Variants in GIN1 observed in about 807,000 individuals in gnomAD.
GIN1 encodes the protein gypsy retrotransposon integrase-like protein 1.
Under a neutral mutation model 51.4 loss-of-function variants are expected in GIN1, and 41 were observed. The ratio of observed to expected loss-of-function variants is 0.80; its 90% CI spans 0.62 to 1.04. The LOEUF (loss-of-function observed/expected upper bound fraction) is 1.04. Ranked by LOEUF, GIN1 falls within the 50% of genes least tolerant of loss-of-function variation. The pLI is 0.00. For missense variants in GIN1, 610 were observed against 612.4 expected, an observed-to-expected ratio of 1.00 and a Z score of 0.04; for synonymous variants, 222 against 206.5, an observed-to-expected ratio of 1.07 and a Z score of -0.64.
At chr5:103,106,503 T>C (rs1583127218) in intron 3 of GIN1, 2 of 370,674 alleles carry the variant, frequency 5.4e-6, no homozygotes, top group East Asian at 8.7e-5. Flanking sequence ...TATTTAAATA[T>C]GGTATTTTCA....
At chr5:103,119,776 A>T (rs1788331231) in intron 1 of GIN1, among the ~76,000 whole-genome samples, 1 of 152,202 alleles carries the variant, frequency 6.6e-6, no homozygotes, top group Admixed American at 6.5e-5. Flanking sequence ...GCAAGGTCCA[A>T]CCACACTCAG....
At chr5:103,118,363 T>C (rs1238286088) in intron 1 of GIN1, among the ~76,000 whole-genome samples, 1 of 152,048 alleles carries the variant, frequency 6.6e-6, no homozygotes, top group Admixed American at 6.6e-5. Flanking sequence ...ATTATTATCA[T>C]ATCTAAGTAT....
chr5:103,108,707 T>TAGG lies in GIN1; in HGVS notation c.-1_1insCCT. ...TCACCATTTTTTCCACTACGGACCATTGTGAACCTAGGTAAAAGGTATTTA... is the reference window on the plus strand; with the variant it reads ...TCACCATTTTTTCCACTACGGACCATAGGTGTGAACCTAGGTAAAAGGTATTTA... On this transcript the variant is annotated 5_prime_UTR_variant, in exon 2 of 8. Transcript: ENST00000399004. 1 of 1,590,642 alleles carries TAGG rather than the reference T, an allele frequency of 6.3e-7. No individual in the cohort carries two copies. The highest frequency in any genetic ancestry group is 8.6e-7 in the Non-Finnish European group (1 of 1,165,680).
chr5:103,095,906 A>G lies in GIN1; in HGVS notation c.1294+635T>C, dbSNP rs190424346. ...ACAACTACACTCCAGCCTGGGGGAC[A>G]GAATGAGACTCTGTCTCAAACAAAC... is the stretch of plus-strand genomic sequence containing the variant. On this transcript the variant is annotated intron_variant, in intron 7 of 7. Transcript: ENST00000399004. 2.6e-5 allele frequency among the ~76,000 whole-genome samples: 4 copies of G among 152,352 alleles called. No individual in the cohort carries two copies. The East Asian group carries it at 7.7e-4, about 29-fold the overall frequency.
At chr5:103,098,871 TTTAAC>T (rs1787485076) in intron 4 of GIN1, among the ~76,000 whole-genome samples, 1 of 152,200 alleles carries the variant, frequency 6.6e-6, no homozygotes, top group African/African-American at 2.4e-5. Flanking sequence ...TTTTATAACT[TTTAAC>T]TTATAACTAC....
intron 3 of GIN1, 185 bp downstream of exon 3, chr5:103,106,528 GCTT>G: frequency 2.4e-6 from 1 of 423,072 alleles, no homozygotes; most frequent in East Asian, 3.8e-5. Context: ...TTTAAATAAT[GCTT>G]CTTTCCTGTT....
intron 4 of GIN1, chr5:103,102,353 T>C (rs1425617929): frequency 6.6e-6 from 1 of 152,198 alleles, no homozygotes; most frequent in East Asian, 1.9e-4. Context: ...AGTTGCCCCC[T>C]TAACATCTGT....
chr5:103,103,201 G>C (rs154370), intron 4 of GIN1, among the ~76,000 whole-genome samples: 150,397 of 152,318 alleles, frequency 0.99, 74,252 homozygotes, highest in East Asian at 1. Context: ...TGTGACCAGC[G>C]CCCAGTAAAA....
intron 1 of GIN1, among the ~76,000 whole-genome samples, chr5:103,117,814 A>G (rs1238398410): frequency 1.3e-5 from 2 of 152,060 alleles, no homozygotes; most frequent in East Asian, 1.9e-4. Flanking sequence ...AGGTTCAGAG[A>G]TTGTCCAATT....
intron 4 of GIN1, among the ~76,000 whole-genome samples, chr5:103,098,909 T>C (rs1787486516): frequency 6.6e-6 from 1 of 152,224 alleles, no homozygotes; most frequent in African/African-American, 2.4e-5. Context: ...TACTATATTA[T>C]GTGTAGCACT....
rs1787072202 is a variant in GIN1 at position 103,086,248 on chromosome 5, C to T, written c.*1650G>A. ...CAAATTTTCCCCTTTTATCAGAACA[C>T]CAGTAATACTGTATTAGAGCCCACC... On this transcript the variant is annotated 3_prime_UTR_variant, in exon 8 of 8. Transcript: ENST00000399004. 1 of 151,904 alleles carries T rather than the reference C, an allele frequency of 6.6e-6. No homozygotes were observed. Among genetic ancestry groups the T allele is most frequent in the South Asian group, 2.1e-4 (1 of 4,766 alleles). The allele number at this position is 151,904 out of a possible 1,614,324, so 9.4% of individuals were successfully genotyped here.
At position 103,099,928 on chromosome 5, in the gene GIN1, A is replaced by C. The variant is rs147651136; in HGVS notation, c.640-2147T>G. ...AATATTTAGCAGTGTTTTCTGCATCAGTATTTGCTGACAAAAGAGTTCATT... is the reference window on the plus strand; with the variant it reads ...AATATTTAGCAGTGTTTTCTGCATCCGTATTTGCTGACAAAAGAGTTCATT... On this transcript the variant is annotated intron_variant, in intron 4 of 7. Transcript: ENST00000399004. Among the ~76,000 whole-genome samples the C allele has an allele frequency of 6.8e-3, 1,030 of 152,304 alleles. 7 individuals are homozygous for C. The highest frequency in any genetic ancestry group is 0.013 in the Non-Finnish European group (857 of 68,020).
intron 7 of GIN1, among the ~76,000 whole-genome samples, chr5:103,093,071 G>C (rs1404398317): frequency 6.6e-6 from 1 of 151,814 alleles, no homozygotes; most frequent in Non-Finnish European, 1.5e-5. Context: ...GACACTATAG[G>C]GACTGTGCTT....
At chr5:103,106,011 T>C (rs1480205465) in intron 3 of GIN1, among the ~76,000 whole-genome samples, 1 of 152,170 alleles carries the variant, frequency 6.6e-6, no homozygotes, top group Non-Finnish European at 1.5e-5. Context: ...TTTGGTTTAA[T>C]TCTTTATGCT....
intron 7 of GIN1, 62 bp from the exon 8 acceptor site, chr5:103,088,234 A>G (rs1273806765): frequency 3.0e-6 from 3 of 1,005,294 alleles, no homozygotes; most frequent in Non-Finnish European, 4.2e-6. Context: ...TTTTTTAATT[A>G]AACAATTTTA....
In GIN1 at chr5:103,106,869, A is replaced by T. The variant is rs907617552; in HGVS notation, c.180T>A (p.Asn60Lys). 24 of 1,588,126 alleles carry T rather than the reference A, an allele frequency of 1.5e-5. No individual in the cohort carries two copies. Among genetic ancestry groups the T allele is most frequent in the Non-Finnish European group, 2.1e-5 (24 of 1,168,798 alleles). The change falls in exon 3 of 8, where the codon AAT becomes AAA. Residue 60 changes from asparagine to lysine, a missense_variant. Transcript: ENST00000399004. The part of the protein sequence containing the change: ...LFYVGKDRKQ[N>K]RLVIVSEEEK... ...CCTCTTCTGAAACAATTACCAAACG[A>T]TTTTGTTTTCTGTCTTTTCCAACAT...
chr5:103,118,644 G>C (rs369649912), intron 1 of GIN1, among the ~76,000 whole-genome samples: 2 of 152,030 alleles, frequency 1.3e-5, no homozygotes, highest in Admixed American at 6.6e-5. Context: ...TAGAAAATGC[G>C]TAAGAAAGAA....
At chr5:103,116,372 A>C (rs1393370964) in intron 1 of GIN1, among the ~76,000 whole-genome samples, 2 of 152,158 alleles carry the variant, frequency 1.3e-5, no homozygotes, top group African/African-American at 4.8e-5. Flanking sequence ...AGGTAATTCA[A>C]TGAAGAAAGG....
intron 1 of GIN1, among the ~76,000 whole-genome samples, chr5:103,109,652 A>T (rs566355123): frequency 6.6e-6 from 1 of 152,280 alleles, no homozygotes; most frequent in African/African-American, 2.4e-5. Flanking sequence ...TAACCTAAAA[A>T]ACAGGTTAAT....
Sources: allele counts gnomAD v4.1 joint callset (sites outside exome capture counted in the v4.1 genomes callset), GRCh38; gene constraint gnomAD v4.1.1; transcripts MANE v1.5; gene names NCBI Gene and HGNC (gene_info 2026-07-23, HGNC 2026-07-21).